GRIA1: variants seen among roughly 807,000 people sequenced by gnomAD.
GRIA1 encodes glutamate ionotropic receptor AMPA type subunit 1, also known as glutamate receptor 1.
GRIA1 carries 31 observed loss-of-function variants against 99.2 expected under a neutral mutation model. That is an observed-to-expected ratio of 0.31 (90% CI 0.23 to 0.42). GRIA1 has a LOEUF of 0.42. Ranked by LOEUF, GRIA1 falls within the 10% of genes least tolerant of loss-of-function variation. GRIA1 has a pLI of 1.00. For missense variants in GRIA1, 782 were observed against 1,157.5 expected (o/e 0.68, Z 4.71); for synonymous variants, 438 against 432.4 (o/e 1.01, Z -0.16).
Position 153,656,383 on chromosome 5 carries a change from T to A in GRIA1, c.699+511T>A, listed in dbSNP as rs866172850. Among the ~76,000 whole-genome samples, 65 of 92,628 alleles carry A rather than the reference T, an allele frequency of 7.0e-4. 1 individual carries two copies. The highest frequency in any genetic ancestry group is 2.4e-3 in the South Asian group (7 of 2,918). 60.8% of individuals were successfully genotyped at this position (92,628 alleles called of 152,430 possible). ...TTCTATATGGCATAGATAAGTTTGT[T>A]TATATATATATATATATATATATAT... On this transcript the variant is annotated intron_variant, in intron 5 of 15. Transcript: ENST00000285900.
chr5:153,713,600 C>T (rs960308111), intron 11 of GRIA1, among the ~76,000 whole-genome samples: 2 of 152,210 alleles, frequency 1.3e-5, no homozygotes, highest in Non-Finnish European at 2.9e-5. Context: ...AAAATGAGTG[C>T]AGTGACAGGA....
intron 7 of GRIA1, among the ~76,000 whole-genome samples, chr5:153,678,942 G>A (rs192955482): frequency 1.3e-5 from 2 of 152,258 alleles, no homozygotes; most frequent in East Asian, 1.9e-4. Flanking sequence ...AGGACCTCAA[G>A]TCTCAACTGG....
chr5:153,549,642 T>C (rs1759946885), intron 2 of GRIA1, among the ~76,000 whole-genome samples: 1 of 152,180 alleles, frequency 6.6e-6, no homozygotes, highest in African/African-American at 2.4e-5. Context: ...TGGTATTTTC[T>C]GGGAAAGAAA....
chr5:153,537,116 C>G (rs994200246), intron 2 of GRIA1, among the ~76,000 whole-genome samples: 2 of 152,202 alleles, frequency 1.3e-5, no homozygotes, highest in Non-Finnish European at 2.9e-5. Flanking sequence ...CAGGTAATCT[C>G]CTAACATTCC....
chr5:153,650,347 A>G lies in GRIA1; in HGVS notation c.478A>G (p.Lys160Glu), dbSNP rs1754465594. The G allele has an allele frequency of 3.7e-6, 6 of 1,613,706 alleles. No individual in the cohort carries two copies. Among genetic ancestry groups the G allele is most frequent in the African/African-American group, 1.3e-5 (1 of 74,902 alleles). ...AACTTTAGGCTTATCCGTCCTGCAG[A>G]AAGTCCTGGATACAGCTGCTGAGAA... ...DADRGLSVLQ[K>E]VLDTAAEKNW... The change falls in exon 4 of 16, where the codon AAA becomes GAA. Residue 160 changes from lysine (K) to glutamate (E), a missense_variant. By Grantham distance (56) the Lys-to-Glu change is moderately conservative. This residue lies in a region of GRIA1 where 461 missense variants were observed against 521.7 expected (regional missense o/e 0.88). Transcript: ENST00000285900.
In GRIA1 at chr5:153,806,558, C is replaced by T. The variant is rs1766441495; in HGVS notation, c.2520+4068C>T. Among the ~76,000 whole-genome samples the T allele has an allele frequency of 2.6e-5, 4 of 152,294 alleles. 1 individual carries two copies. The South Asian group carries it at 8.3e-4, about 32-fold the overall frequency. On this transcript the variant is annotated intron_variant, in intron 15 of 15. Coordinates refer to ENST00000285900, the MANE Select transcript of GRIA1 (RefSeq NM_000827.4). ...GGACCACAGGCATGAGCCACCACGCCCCGCCCTTGGCCCACTCTTAAGGCC... is the reference window on the plus strand; with the variant it reads ...GGACCACAGGCATGAGCCACCACGCTCCGCCCTTGGCCCACTCTTAAGGCC...
intron 2 of GRIA1, among the ~76,000 whole-genome samples, chr5:153,615,694 GGGA>G (rs1339854223): frequency 6.6e-6 from 1 of 152,130 alleles, no homozygotes; most frequent in Non-Finnish European, 1.5e-5. Flanking sequence ...ACCATCACTG[GGGA>G]GTTGCTTTGT....
chr5:153,499,450 C>T (rs1754752690), intron 2 of GRIA1, among the ~76,000 whole-genome samples: 1 of 151,668 alleles, frequency 6.6e-6, no homozygotes, highest in Non-Finnish European at 1.5e-5. Context: ...CCCATCTCTA[C>T]TAAAAATACA....
At chr5:153,789,142 G>A (rs1299408261) in intron 13 of GRIA1, among the ~76,000 whole-genome samples, 1 of 151,846 alleles carries the variant, frequency 6.6e-6, no homozygotes, top group African/African-American at 2.4e-5. Context: ...ACACATGATG[G>A]CTCCAGAGGT....
intron 2 of GRIA1, 140 bp from the exon 3 acceptor site, chr5:153,646,788 G>T: frequency 2.3e-6 from 2 of 878,332 alleles, no homozygotes; most frequent in Non-Finnish European, 1.8e-6. Context: ...GGATTGGTTT[G>T]TTGGATGGGT....
At chr5:153,656,771 G>A (rs1754992364) in intron 5 of GRIA1, among the ~76,000 whole-genome samples, 1 of 152,084 alleles carries the variant, frequency 6.6e-6, no homozygotes, top group South Asian at 2.1e-4. Flanking sequence ...TATTCACAAA[G>A]TTATGAAACC....
chr5:153,579,591 T>G (rs1337274851), intron 2 of GRIA1, among the ~76,000 whole-genome samples: 1 of 152,224 alleles, frequency 6.6e-6, no homozygotes, highest in East Asian at 1.9e-4. Flanking sequence ...TGACACATGT[T>G]TAGTAATGCA....
chr5:153,565,189 A>C (rs1303733205), intron 2 of GRIA1, among the ~76,000 whole-genome samples: 2 of 152,180 alleles, frequency 1.3e-5, no homozygotes, highest in African/African-American at 4.8e-5. Context: ...GAGTACTTCT[A>C]TGGCGGACTT....
Position 153,575,134 on chromosome 5 carries a change from C to A in GRIA1, c.221-71794C>A, listed in dbSNP as rs543904119. Among the ~76,000 whole-genome samples the A allele has an allele frequency of 3.9e-5, 6 of 152,080 alleles. No homozygotes were observed. The South Asian group carries it at 1.2e-3, about 32-fold the overall frequency. Reference sequence around the variant, plus strand: ...AAACTCCATTTGATCCTGCAATGGTCTCTTGGTCTCTTTCTTAGCTCAGTA... The same window carrying A: ...AAACTCCATTTGATCCTGCAATGGTATCTTGGTCTCTTTCTTAGCTCAGTA... On this transcript the variant is annotated intron_variant, in intron 2 of 15. Transcript: ENST00000285900.
chr5:153,586,579 C>T (rs1251610047), intron 2 of GRIA1, among the ~76,000 whole-genome samples: 2 of 152,076 alleles, frequency 1.3e-5, no homozygotes, highest in African/African-American at 4.8e-5. Flanking sequence ...GACACTTGAA[C>T]AAAAGGGGAA....
chr5:153,616,527 G>A (rs1429610588), intron 2 of GRIA1, among the ~76,000 whole-genome samples: 2 of 152,196 alleles, frequency 1.3e-5, no homozygotes, highest in East Asian at 1.9e-4. Context: ...TTACACATTT[G>A]TGTTGGGACA....
chr5:153,660,205 G>A (rs1755261495), intron 5 of GRIA1, among the ~76,000 whole-genome samples: 1 of 152,150 alleles, frequency 6.6e-6, no homozygotes, highest in Admixed American at 6.5e-5. Flanking sequence ...CTGATGCTGA[G>A]ACACTTGAGT....
chr5:153,720,765 C>T (rs181863250), intron 11 of GRIA1, among the ~76,000 whole-genome samples: 10 of 152,288 alleles, frequency 6.6e-5, no homozygotes, highest in East Asian at 5.8e-4. Flanking sequence ...TTTCACACTT[C>T]GAATGATCTG....
rs1766935927 is a variant in GRIA1, at chr5:153,813,113, T to A, written c.*1888T>A. ...ATCCTTCCAAAATCAAACTCTTCAC[T>A]TTTTTGACTCAAGTGTTGTTGTTCA... On this transcript the variant is annotated 3_prime_UTR_variant, in exon 16 of 16. Transcript: ENST00000285900. 6.6e-6 allele frequency: 1 copy of A among 152,206 alleles called. No individual in the cohort carries two copies. Among genetic ancestry groups the A allele is most frequent in the Non-Finnish European group, 1.5e-5 (1 of 68,038 alleles). The allele number at this position is 152,206 out of a possible 1,614,324, so 9.4% of individuals were successfully genotyped here.
Sources: gnomAD v4.1 joint callset for allele counts (sites outside exome capture counted in the v4.1 genomes callset) on GRCh38, gnomAD v4.1.1 for gene constraint, gnomAD v4.1.1 regional missense constraint, MANE v1.5 for transcripts, NCBI Gene and HGNC (gene_info 2026-07-23, HGNC 2026-07-21) for gene names.